Variants in METTL15 observed in about 807,000 individuals in gnomAD.
METTL15 encodes the protein methyltransferase 15, mitochondrial 12S rRNA N4-cytidine.
In METTL15, 34 loss-of-function variants were observed where a neutral mutation model predicts 38.3. The observed-to-expected ratio is 0.89, with a 90% CI of 0.68 to 1.18. The LOEUF (loss-of-function observed/expected upper bound fraction) is 1.18. Ranked by LOEUF, METTL15 falls within the 50% of genes most tolerant of loss-of-function variation. METTL15 has a pLI of 0.00. For synonymous variants in METTL15, 162 were observed against 170.9 expected (o/e 0.95, Z 0.41); for missense variants, 438 against 498.4 (o/e 0.88, Z 1.15).
At chr11:28,308,546 T>C (rs1857158337) in intron 6 of METTL15, among the ~76,000 whole-genome samples, 1 of 152,174 alleles carries the variant, frequency 6.6e-6, no homozygotes. Flanking sequence ...TAATTGTTTA[T>C]GTAGTGCTTC....
At chr11:28,185,550 T>A (rs573373134) in intron 3 of METTL15, among the ~76,000 whole-genome samples, 1 of 151,574 alleles carries the variant, frequency 6.6e-6, no homozygotes, top group Admixed American at 6.6e-5. Flanking sequence ...ATCAATTTTA[T>A]TAGTGATAGT....
chr11:28,488,577 A>C (rs1851456080), intron 6 of METTL15, among the ~76,000 whole-genome samples: 1 of 152,214 alleles, frequency 6.6e-6, no homozygotes, highest in African/African-American at 2.4e-5. Flanking sequence ...CCTAGTGAAG[A>C]GTTGAATTCT....
intron 3 of METTL15, among the ~76,000 whole-genome samples, chr11:28,128,150 T>G (rs2133623402): frequency 6.6e-6 from 1 of 152,274 alleles, no homozygotes; most frequent in East Asian, 1.9e-4. Context: ...CATTTTCATA[T>G]GGCAACCGTT....
intron 3 of METTL15, among the ~76,000 whole-genome samples, chr11:28,150,886 TG>T (rs1850059842): frequency 6.6e-6 from 1 of 151,548 alleles, no homozygotes. Flanking sequence ...TCCCACACCA[TG>T]TTGTTGGAAT....
intron 5 of METTL15, among the ~76,000 whole-genome samples, chr11:28,370,210 C>T (rs893478821): frequency 2.3e-4 from 35 of 151,942 alleles, no homozygotes; most frequent in Non-Finnish European, 7.4e-5. Flanking sequence ...ACACTTCATC[C>T]CCCCATCTCC....
At chr11:28,180,024 G>C (rs1851226374) in intron 3 of METTL15, among the ~76,000 whole-genome samples, 1 of 151,754 alleles carries the variant, frequency 6.6e-6, no homozygotes, top group Non-Finnish European at 1.5e-5. Context: ...AAACTCAAAT[G>C]GTCTAAAGTT....
intron 3 of METTL15, among the ~76,000 whole-genome samples, chr11:28,202,012 A>T (rs1160699542): frequency 6.6e-6 from 1 of 152,196 alleles, no homozygotes. Context: ...CATTATGCCT[A>T]GAAGTTTAGA....
chr11:28,323,090 A>T (rs973665843), intron 6 of METTL15, among the ~76,000 whole-genome samples: 2 of 152,208 alleles, frequency 1.3e-5, no homozygotes, highest in Non-Finnish European at 1.5e-5. Context: ...TATGAAGAAA[A>T]AAGGAAGTAT....
At chr11:28,306,613 C>T (rs1239849058) in intron 6 of METTL15, among the ~76,000 whole-genome samples, 3 of 151,990 alleles carry the variant, frequency 2.0e-5, no homozygotes, top group African/African-American at 4.8e-5. Flanking sequence ...ACCTCCACTC[C>T]TTAAAGTAGT....
At chr11:28,397,603 G>C (rs1850585436) in intron 5 of METTL15, among the ~76,000 whole-genome samples, 1 of 152,010 alleles carries the variant, frequency 6.6e-6, no homozygotes, top group Non-Finnish European at 1.5e-5. Flanking sequence ...GTGCTGGAGA[G>C]GATGTGGAGA....
intron 6 of METTL15, among the ~76,000 whole-genome samples, chr11:28,477,290 C>T (rs146096780): frequency 5.9e-5 from 9 of 152,242 alleles, no homozygotes; most frequent in African/African-American, 2.2e-4. Context: ...AATTCTCCTG[C>T]CTCAGCCTCC....
chr11:28,117,225 CTATA>C (rs72027131), intron 3 of METTL15, among the ~76,000 whole-genome samples: 2,706 of 58,390 alleles, frequency 0.046, 37 homozygotes, highest in African/African-American at 0.12. Context: ...ATATATACAC[CTATA>C]TATGTATGTG....
intron 6 of METTL15, among the ~76,000 whole-genome samples, chr11:28,473,459 A>G (rs1463367605): frequency 1.3e-5 from 2 of 152,190 alleles, no homozygotes; most frequent in Non-Finnish European, 2.9e-5. Flanking sequence ...TACTTATTAC[A>G]TGTCTAACCT....
intron 5 of METTL15, among the ~76,000 whole-genome samples, chr11:28,292,520 C>G (rs10450591): frequency 3.3e-5 from 5 of 151,992 alleles, no homozygotes; most frequent in Admixed American, 6.6e-5. Flanking sequence ...AATAAACATA[C>G]GTGTGCGTGT....
intron 5 of METTL15, among the ~76,000 whole-genome samples, chr11:28,379,266 C>T (rs1850356291): frequency 6.6e-6 from 1 of 151,868 alleles, no homozygotes; most frequent in South Asian, 2.1e-4. Flanking sequence ...GGGTTCAGTT[C>T]ATTTTTTATA....
chr11:28,151,006 CAAAAA>C (rs34906623), intron 3 of METTL15, among the ~76,000 whole-genome samples: 1 of 84,532 alleles, frequency 1.2e-5, no homozygotes. Context: ...CAACAGTGAC[CAAAAA>C]AAAAAAAAAA....
At chr11:28,507,323 G>C (rs113174765) in intron 6 of METTL15, among the ~76,000 whole-genome samples, 7 of 152,182 alleles carry the variant, frequency 4.6e-5, no homozygotes, top group African/African-American at 1.4e-4. Context: ...GAGAGTGAAG[G>C]GGGTGGTGCT....
intron 6 of METTL15, among the ~76,000 whole-genome samples, chr11:28,455,238 T>C (rs1353551137): frequency 6.7e-6 from 1 of 149,328 alleles, no homozygotes; most frequent in Non-Finnish European, 1.5e-5. Flanking sequence ...TTTTTTTTTT[T>C]TTTCAGTGAA....
chr11:28,419,461 C>T (rs972539174), intron 5 of METTL15, among the ~76,000 whole-genome samples: 1 of 152,188 alleles, frequency 6.6e-6, no homozygotes, highest in Non-Finnish European at 1.5e-5. Context: ...CCCCCTAATA[C>T]AGATATGGCT....
Sources: allele counts gnomAD v4.1 joint callset (sites outside exome capture counted in the v4.1 genomes callset), GRCh38; gene constraint gnomAD v4.1.1; transcripts MANE v1.5; gene names NCBI Gene and HGNC (gene_info 2026-07-23, HGNC 2026-07-21).